The following ZNF268 variants were observed in gnomAD, a reference collection of about 807,000 sequenced individuals.
The protein encoded by ZNF268 is zinc finger protein 268, also known as zinc finger protein 3.
Under a neutral mutation model 29.3 loss-of-function variants are expected in ZNF268, and 20 were observed. That is an observed-to-expected ratio of 0.68 (90% CI 0.48 to 0.99). ZNF268 has a LOEUF of 0.99. ZNF268 is among the 50% of genes least tolerant of loss of function. ZNF268 has a pLI of 0.00. For missense variants in ZNF268, 1,240 were observed against 1,121.6 expected, an observed-to-expected ratio of 1.11 and a Z score of -1.51; for synonymous variants, 429 against 376.9, an observed-to-expected ratio of 1.14 and a Z score of -1.60.
chr12:133,187,834 T>C, intron 2 of ZNF268, 38 bp from the exon 3 acceptor site: 3 of 1,545,542 alleles, frequency 1.9e-6, no homozygotes, highest in Admixed American at 2.0e-5. Flanking sequence ...CCAAAGGAAA[T>C]AATGCTCGCT....
In ZNF268 at chr12:133,205,038, G is replaced by A. The variant is rs1347192801; in HGVS notation, c.*508G>A. On this transcript the variant is annotated 3_prime_UTR_variant, in exon 6 of 6. Coordinates refer to ENST00000536435, the MANE Select transcript of ZNF268 (RefSeq NM_003415.3). Reference sequence around the variant, plus strand: ...TGCTATAAGGGAAAGTGTAAATCTAGAAATGAGAAACCCCTAGGGAAAAAA... The same window carrying A: ...TGCTATAAGGGAAAGTGTAAATCTAAAAATGAGAAACCCCTAGGGAAAAAA... 6.8e-6 allele frequency: 1 copy of A among 146,512 alleles called. No homozygotes were observed. The highest frequency in any genetic ancestry group is 2.5e-5 in the African/African-American group (1 of 39,336). 9.1% of individuals were successfully genotyped at this position (146,512 alleles called of 1,614,324 possible).
In ZNF268 at chr12:133,204,090, C is replaced by G; in HGVS notation, c.2404C>G (p.His802Asp). ...KSYLIIHMRTHSGEKPYECNE... is the reference protein window; with the variant it reads ...KSYLIIHMRTDSGEKPYECNE... Reference sequence around the variant, plus strand: ...ATACCTAATTATACACATGAGAACTCATTCAGGTGAAAAACCATATGAATG... The same window carrying G: ...ATACCTAATTATACACATGAGAACTGATTCAGGTGAAAAACCATATGAATG... Residue 802 changes from histidine to aspartate, a missense_variant, in exon 6 of 6, where the codon CAT (histidine) becomes GAT (aspartate). Around this residue, in one of 3 missense-constraint regions of ZNF268, gnomAD observed 1,177 missense variants for 1,039.6 expected, o/e 1.13. Coordinates refer to ENST00000536435, the MANE Select transcript of ZNF268 (RefSeq NM_003415.3). 1 of 1,549,462 alleles carries G rather than the reference C, an allele frequency of 6.5e-7. No individual in the cohort carries two copies. Among genetic ancestry groups the G allele is most frequent in the Non-Finnish European group, 8.7e-7 (1 of 1,149,786 alleles).
chr12:133,203,185 A>G lies in ZNF268; in HGVS notation c.1499A>G (p.Tyr500Cys), dbSNP rs1406685911. The G allele has an allele frequency of 4.6e-6, 7 of 1,537,706 alleles. No individual in the cohort carries two copies. The highest frequency in any genetic ancestry group is 1.7e-4 in the Middle Eastern group (1 of 6,012). ...HQRSHTGMKPYVCNECGKAFR... is the reference protein window; with the variant it reads ...HQRSHTGMKPCVCNECGKAFR... ...AGAAGTCACACAGGAATGAAACCTTATGTATGCAATGAATGTGGCAAAGCC... is the reference window on the plus strand; with the variant it reads ...AGAAGTCACACAGGAATGAAACCTTGTGTATGCAATGAATGTGGCAAAGCC... The change falls in exon 6 of 6, where the codon TAT becomes TGT. Residue 500 changes from tyrosine to cysteine, a missense_variant. Around this residue, in one of 3 missense-constraint regions of ZNF268, gnomAD observed 1,177 missense variants for 1,039.6 expected, o/e 1.13. Coordinates refer to ENST00000536435, the MANE Select transcript of ZNF268 (RefSeq NM_003415.3).
chr12:133,192,137 T>G (rs2135499099), intron 5 of ZNF268, 134 bp downstream of exon 5: 1 of 680,008 alleles, frequency 1.5e-6, no homozygotes, highest in Admixed American at 3.2e-5. Flanking sequence ...AGACAGAGTT[T>G]CACTTTGTTG....
intron 4 of ZNF268, 118 bp from the exon 5 acceptor site, chr12:133,191,790 C>T: frequency 8.2e-6 from 12 of 1,464,106 alleles, no homozygotes; most frequent in Non-Finnish European, 1.1e-5. Flanking sequence ...CTTTACTTTG[C>T]CAAATTGCAA....
At chr12:133,189,232 T>TAAGACA (rs1229843691) in intron 3 of ZNF268, among the ~76,000 whole-genome samples, 2 of 139,034 alleles carry the variant, frequency 1.4e-5, no homozygotes, top group Non-Finnish European at 1.6e-5. Context: ...TTTTTTTTTT[T>TAAGACA]GAGATGGAGT....
intron 5 of ZNF268, among the ~76,000 whole-genome samples, chr12:133,198,366 A>G (rs1460183096): frequency 2.7e-5 from 4 of 146,332 alleles, no homozygotes; most frequent in African/African-American, 5.1e-5. Flanking sequence ...ATTATTTCTG[A>G]GGGCTCTGTT....
chr12:133,183,765 T>TG (rs1398176398), intron 2 of ZNF268, among the ~76,000 whole-genome samples: 1 of 152,058 alleles, frequency 6.6e-6, no homozygotes, highest in Non-Finnish European at 1.5e-5. Context: ...TCAGGGAGAA[T>TG]GTGTACCCTA....
chr12:133,193,205 C>T (rs1956516396), intron 5 of ZNF268, among the ~76,000 whole-genome samples: 1 of 152,078 alleles, frequency 6.6e-6, no homozygotes, highest in African/African-American at 2.4e-5. Context: ...TGGTGGTGTG[C>T]ACCTGTTGTC....
chr12:133,185,876 G>C (rs1298416094), intron 2 of ZNF268, among the ~76,000 whole-genome samples: 1 of 152,134 alleles, frequency 6.6e-6, no homozygotes, highest in Non-Finnish European at 1.5e-5. Flanking sequence ...CTAAGAACCA[G>C]CATATGCTTT....
intron 3 of ZNF268, 129 bp downstream of exon 3, chr12:133,188,201 C>A: frequency 1.1e-6 from 1 of 882,968 alleles, no homozygotes; most frequent in Non-Finnish European, 1.7e-6. Context: ...CAAAACCCCC[C>A]CACTTTTTTT....
rs760817552 is a variant in ZNF268 at position 133,204,080 on chromosome 12, CAT to C, written c.2395_2396del (p.Met799GlufsTer6). On this transcript the variant is annotated frameshift_variant, in exon 6 of 6. Transcript: ENST00000536435. LOFTEE classifies it low-confidence loss of function (END_TRUNC). ...FSSKSYLIIH[M>X]RTHSGEKPYE... ...GCAGCAAGTCATACCTAATTATACA[CAT>C]GAGAACTCATTCAGGTGAAAAACCA... The C allele has an allele frequency of 1.3e-6, 2 of 1,551,046 alleles. No homozygotes were observed. Among genetic ancestry groups the C allele is most frequent in the East Asian group, 2.4e-5 (1 of 41,326 alleles).
Position 133,202,645 on chromosome 12 carries a change from T to C in ZNF268, c.959T>C (p.Ile320Thr). Residue 320 changes from isoleucine to threonine, a missense_variant, in exon 6 of 6, where the codon ATT becomes ACT. Ile to Thr is a moderately conservative substitution (Grantham distance 89). Around this residue, in one of 3 missense-constraint regions of ZNF268, gnomAD observed 1,177 missense variants for 1,039.6 expected, o/e 1.13. Coordinates refer to ENST00000536435, the MANE Select transcript of ZNF268 (RefSeq NM_003415.3). ...GKDFSSKSYL[I>T]VHQRIHTGEK... ...GACTTCAGTAGTAAATCATACCTCA[T>C]TGTACATCAGAGAATTCATACAGGA... 1.2e-6 allele frequency: 2 copies of C among 1,605,770 alleles called. No homozygotes were observed. Among genetic ancestry groups the C allele is most frequent in the Non-Finnish European group, 1.7e-6 (2 of 1,175,652 alleles).
At chr12:133,196,424 G>C (rs1956601269) in intron 5 of ZNF268, among the ~76,000 whole-genome samples, 3 of 151,018 alleles carry the variant, frequency 2.0e-5, no homozygotes, top group Admixed American at 6.6e-5. Flanking sequence ...GTATAATCCT[G>C]TTTTTGCCAT....
At chr12:133,182,136 C>A in intron 2 of ZNF268, 106 bp downstream of exon 2, 2 of 1,154,576 alleles carry the variant, frequency 1.7e-6, no homozygotes, top group Non-Finnish European at 1.2e-6. Context: ...CTCACCCCAC[C>A]GCTCTTTTAG....
Position 133,203,926 on chromosome 12 carries a change from C to T in ZNF268, c.2240C>T (p.Thr747Ile), listed in dbSNP as rs758080302. ...SQLIVHQRIHTGENPYECSEC... is the reference protein window; with the variant it reads ...SQLIVHQRIHIGENPYECSEC... ...CTCATTGTGCATCAGAGAATTCACA[C>T]AGGAGAAAATCCCTATGAATGCAGT... The change falls in exon 6 of 6, where the codon ACA (threonine) becomes ATA (isoleucine). Residue 747 changes from threonine (T) to isoleucine (I), a missense_variant. Thr to Ile is a moderately conservative substitution (Grantham distance 89, BLOSUM62 -1). Around this residue, in one of 3 missense-constraint regions of ZNF268, gnomAD observed 1,177 missense variants for 1,039.6 expected, o/e 1.13. Transcript: ENST00000536435. The T allele has an allele frequency of 3.8e-6, 6 of 1,591,446 alleles. No homozygotes were observed. Among genetic ancestry groups the T allele is most frequent in the East Asian group, 2.3e-5 (1 of 43,848 alleles).
At position 133,214,702 on chromosome 12, in the gene ZNF268, C is replaced by G. The variant is rs1957032042; in HGVS notation, c.*10172C>G. On this transcript the variant is annotated 3_prime_UTR_variant, in exon 6 of 6. Coordinates refer to ENST00000536435, the MANE Select transcript of ZNF268 (RefSeq NM_003415.3). ...GAGGATTTCCTTTGGGGTGATGAAA[C>G]TATTTTGGAACTAAGAGGTGGTGGC... 6.6e-6 allele frequency: 1 copy of G among 152,168 alleles called. No individual in the cohort carries two copies. The highest frequency in any genetic ancestry group is 1.5e-5 in the Non-Finnish European group (1 of 68,034). 9.4% of individuals were successfully genotyped at this position (152,168 alleles called of 1,614,324 possible).
chr12:133,184,597 C>T, intron 2 of ZNF268: 1 of 360,696 alleles, frequency 2.8e-6, no homozygotes, highest in Admixed American at 2.7e-5. Context: ...TATTAAAAGG[C>T]CGCACCTCTT....
chr12:133,204,709 A>C lies in ZNF268; in HGVS notation c.*179A>C, dbSNP rs1438395298. On this transcript the variant is annotated 3_prime_UTR_variant, in exon 6 of 6. Transcript: ENST00000536435. Reference sequence around the variant, plus strand: ...AGAAAGCTGTTCTTTACATGCAAAAAGATAGTAGACAATACACAGGAAAAC... The same window carrying C: ...AGAAAGCTGTTCTTTACATGCAAAACGATAGTAGACAATACACAGGAAAAC... The C allele has an allele frequency of 3.9e-6, 2 of 517,160 alleles. No individual in the cohort carries two copies. Among genetic ancestry groups the C allele is most frequent in the Non-Finnish European group, 6.6e-6 (2 of 301,888 alleles). The allele number at this position is 517,160 out of a possible 1,614,324, so 32.0% of individuals were successfully genotyped here. A position where few individuals can be genotyped will look rare whatever the true frequency, so the allele number is the denominator to read the frequency against.
Sources: gnomAD v4.1 joint callset for allele counts (sites outside exome capture counted in the v4.1 genomes callset) on GRCh38, gnomAD v4.1.1 for gene constraint, gnomAD v4.1.1 regional missense constraint, MANE v1.5 for transcripts, NCBI Gene and HGNC (gene_info 2026-07-23, HGNC 2026-07-21) for gene names.